CBFA2T3: variants seen among roughly 807,000 people sequenced by gnomAD.
The protein encoded by CBFA2T3 is CBFA2/RUNX1 partner transcriptional co-repressor 3, also known as transcriptional corepressor CBFA2T3.
In CBFA2T3, 31 loss-of-function variants were observed where a neutral mutation model predicts 58.6. The observed-to-expected ratio is 0.53, with a 90% CI of 0.40 to 0.71. The LOEUF (loss-of-function observed/expected upper bound fraction) is 0.71, where lower values mean the gene tolerates loss of function less well. Ranked by LOEUF, CBFA2T3 falls within the 30% of genes least tolerant of loss-of-function variation. The pLI, the probability that CBFA2T3 is intolerant of heterozygous loss-of-function variation, is 0.00. For synonymous variants in CBFA2T3, 531 were observed against 421.9 expected, an observed-to-expected ratio of 1.26 and a Z score of -3.17; for missense variants, 1,076 against 963.1, an observed-to-expected ratio of 1.12 and a Z score of -1.55.
chr16:88,880,225 C>CAACCCTAACCCT (rs967946298), intron 10 of CBFA2T3, among the ~76,000 whole-genome samples: 1 of 146,282 alleles, frequency 6.8e-6, no homozygotes, highest in African/African-American at 2.8e-5. Flanking sequence ...TACCGCTGCC[C>CAACCCTAACCCT]AACCCTAACC....
At chr16:88,877,999 A>T (rs1968905399) in intron 11 of CBFA2T3, among the ~76,000 whole-genome samples, 1 of 152,100 alleles carries the variant, frequency 6.6e-6, no homozygotes, top group Non-Finnish European at 1.5e-5. Flanking sequence ...CCTCGCCCTC[A>T]CTGCCACTGC....
intron 9 of CBFA2T3, 164 bp downstream of exon 9, chr16:88,881,127 T>G (rs1969054164): frequency 1.3e-6 from 1 of 763,206 alleles, no homozygotes; most frequent in African/African-American, 1.7e-5. Flanking sequence ...CCAGGCTTCC[T>G]GGCAGACCAG....
chr16:88,913,700 G>T (rs936186933), intron 1 of CBFA2T3, among the ~76,000 whole-genome samples: 6 of 152,164 alleles, frequency 3.9e-5, no homozygotes, highest in African/African-American at 1.2e-4. Flanking sequence ...CTCAGGACAT[G>T]TGCACAAACA....
At chr16:88,923,123 C>T (rs971235089) in intron 1 of CBFA2T3, among the ~76,000 whole-genome samples, 2 of 152,192 alleles carry the variant, frequency 1.3e-5, no homozygotes, top group Admixed American at 6.5e-5. Flanking sequence ...GAGGGAGAGA[C>T]GCGGGGGAGT....
chr16:88,877,292 G>A lies in CBFA2T3; in HGVS notation c.1663-17C>T, dbSNP rs140777536. ...CCAGCAGCTCTGGGTGGGGGCAGAG[G>A]GGCCAGTCAGGGCTGGGTCTGGCCA... On this transcript the variant is annotated splice_polypyrimidine_tract_variant and intron_variant, in intron 11 of 11. Transcript: ENST00000268679. 29,978 of 1,532,406 alleles carry A rather than the reference G, an allele frequency of 0.02. 371 individuals are homozygous for A. Among genetic ancestry groups the A allele is most frequent in the African/African-American group, 0.035 (2,546 of 72,216 alleles). The allele number at this position is 1,532,406 out of a possible 1,614,324, so 94.9% of individuals were successfully genotyped here.
At chr16:88,946,733 G>C (rs1249218010) in intron 1 of CBFA2T3, among the ~76,000 whole-genome samples, 1 of 151,886 alleles carries the variant, frequency 6.6e-6, no homozygotes. Context: ...TGCCCACCTC[G>C]GCCTCCCACA....
At chr16:88,904,128 G>A (rs942733671) in intron 1 of CBFA2T3, among the ~76,000 whole-genome samples, 3 of 152,242 alleles carry the variant, frequency 2.0e-5, no homozygotes, top group Non-Finnish European at 4.4e-5. Context: ...CCACCTGCGT[G>A]CTCGTGACAC....
intron 1 of CBFA2T3, among the ~76,000 whole-genome samples, chr16:88,919,828 C>T (rs911288847): frequency 2.6e-5 from 4 of 152,164 alleles, no homozygotes; most frequent in African/African-American, 9.6e-5. Context: ...CTGGAGGCCG[C>T]ATCAGACCCC....
intron 1 of CBFA2T3, among the ~76,000 whole-genome samples, chr16:88,923,266 G>C (rs1404806872): frequency 2.6e-5 from 4 of 152,214 alleles, no homozygotes; most frequent in Admixed American, 1.3e-4. Flanking sequence ...TGAAACGGGG[G>C]GGACCCGCAC....
At chr16:88,882,433 G>T (rs1186309217) in intron 8 of CBFA2T3, among the ~76,000 whole-genome samples, 1 of 151,726 alleles carries the variant, frequency 6.6e-6, no homozygotes, top group Non-Finnish European at 1.5e-5. Flanking sequence ...GGCTGTGTGT[G>T]GGTGTGGCTG....
intron 1 of CBFA2T3, among the ~76,000 whole-genome samples, chr16:88,920,775 G>A (rs1970887809): frequency 6.6e-6 from 1 of 152,200 alleles, no homozygotes; most frequent in Non-Finnish European, 1.5e-5. Context: ...TGGGTCCCCA[G>A]CCCCTCCCTG....
intron 1 of CBFA2T3, among the ~76,000 whole-genome samples, chr16:88,975,085 A>G (rs1285611737): frequency 1.3e-5 from 1 of 78,842 alleles, no homozygotes; most frequent in East Asian, 5.3e-4. Context: ...GGGGGTGGGC[A>G]CAGTGGCTGG....
intron 1 of CBFA2T3, among the ~76,000 whole-genome samples, chr16:88,912,875 G>A (rs1394172126): frequency 6.6e-6 from 1 of 152,222 alleles, no homozygotes; most frequent in Non-Finnish European, 1.5e-5. Flanking sequence ...CCATTAAGTG[G>A]GAGGAACACA....
intron 8 of CBFA2T3, among the ~76,000 whole-genome samples, chr16:88,882,191 G>C (rs1205872466): frequency 6.6e-6 from 1 of 152,242 alleles, no homozygotes; most frequent in Non-Finnish European, 1.5e-5. Flanking sequence ...CCACACAGGA[G>C]GGCACTGAGC....
In CBFA2T3 at chr16:88,895,534, G is replaced by T. The variant is rs7206813; in HGVS notation, c.379+2544C>A. Among the ~76,000 whole-genome samples the T allele has an allele frequency of 2.0e-3, 311 of 152,118 alleles. 2 individuals carry two copies. Among genetic ancestry groups the T allele is most frequent in the Admixed American group, 9.3e-3 (143 of 15,298 alleles). ...CCAGATTGCCTCCCGTCCCCGGCAG[G>T]CCCCACACACCGAGCAAACAGCGCT... On this transcript the variant is annotated intron_variant, in intron 3 of 11. Coordinates refer to ENST00000268679, the MANE Select transcript of CBFA2T3 (RefSeq NM_005187.6).
At chr16:88,908,906 G>A (rs979304425) in intron 1 of CBFA2T3, among the ~76,000 whole-genome samples, 4 of 152,314 alleles carry the variant, frequency 2.6e-5, no homozygotes, top group South Asian at 4.1e-4. Flanking sequence ...ACCTCATTTC[G>A]TGCCCCCGAA....
chr16:88,910,394 C>T (rs777464367), intron 1 of CBFA2T3, among the ~76,000 whole-genome samples: 2 of 152,206 alleles, frequency 1.3e-5, no homozygotes, highest in East Asian at 1.9e-4. Flanking sequence ...CCGTGAGCTC[C>T]AGGAGGGCTG....
chr16:88,960,150 C>T (rs2078509440), intron 1 of CBFA2T3, among the ~76,000 whole-genome samples: 4 of 152,158 alleles, frequency 2.6e-5, no homozygotes, highest in Admixed American at 6.5e-5. Flanking sequence ...GTCCTTGATT[C>T]CCAGGTTTGT....
At chr16:88,880,648 G>T in intron 10 of CBFA2T3, 72 bp downstream of exon 10, 1 of 1,266,610 alleles carries the variant, frequency 7.9e-7, no homozygotes, top group Non-Finnish European at 1.1e-6. Flanking sequence ...TCAAAGCTGA[G>T]CCGGTGAGAG....
Sources: gnomAD v4.1 joint callset for allele counts (sites outside exome capture counted in the v4.1 genomes callset) on GRCh38, gnomAD v4.1.1 for gene constraint, MANE v1.5 for transcripts, NCBI Gene and HGNC (gene_info 2026-07-23, HGNC 2026-07-21) for gene names.